Variants in GPHN observed in about 807,000 individuals in gnomAD.
GPHN encodes the protein gephyrin.
A neutral mutation model predicts 95.5 loss-of-function variants in GPHN; 17 were observed. The ratio of observed to expected loss-of-function variants is 0.18; its 90% CI spans 0.12 to 0.27. GPHN has a LOEUF of 0.27. Ranked by LOEUF, GPHN falls within the 10% of genes least tolerant of loss-of-function variation. GPHN has a pLI of 1.00. For synonymous variants in GPHN, 320 were observed against 322.5 expected, an observed-to-expected ratio of 0.99 and a Z score of 0.08; for missense variants, 660 against 978.1, an observed-to-expected ratio of 0.67 and a Z score of 4.34.
At chr14:66,966,626 C>T (rs1478771568) in intron 9 of GPHN, among the ~76,000 whole-genome samples, 1 of 151,856 alleles carries the variant, frequency 6.6e-6, no homozygotes, top group Non-Finnish European at 1.5e-5. Flanking sequence ...AGTTTGACTG[C>T]ATTAAAATCC....
At chr14:66,955,154 T>G (rs1231202824) in intron 8 of GPHN, among the ~76,000 whole-genome samples, 1 of 152,222 alleles carries the variant, frequency 6.6e-6, no homozygotes, top group Non-Finnish European at 1.5e-5. Flanking sequence ...CCTCCTCATA[T>G]TTTGTAGAAG....
chr14:67,527,403 A>C, the GPHN span, among the ~76,000 whole-genome samples: 1 of 152,152 alleles, frequency 6.6e-6, no homozygotes. Flanking sequence ...GCACCATTGC[A>C]CTCCAGCCTG....
chr14:66,528,800 C>G (rs993408718), intron 1 of GPHN, among the ~76,000 whole-genome samples: 9 of 152,174 alleles, frequency 5.9e-5, no homozygotes, highest in African/African-American at 2.2e-4. Flanking sequence ...CCCCCACTGT[C>G]TTCTGGCTTG....
the GPHN span, among the ~76,000 whole-genome samples, chr14:67,392,154 T>A: frequency 6.6e-6 from 1 of 152,206 alleles, no homozygotes; most frequent in Admixed American, 6.5e-5. Flanking sequence ...TGTGGGCATA[T>A]GCCTGTTCTT....
chr14:67,152,479 A>AAG (rs2081339230), intron 18 of GPHN, among the ~76,000 whole-genome samples: 1 of 151,768 alleles, frequency 6.6e-6, no homozygotes, highest in Admixed American at 6.6e-5. Context: ...CAACGAGCAA[A>AAG]TAAGATGCTA....
the GPHN span, among the ~76,000 whole-genome samples, chr14:67,443,815 G>C: frequency 6.6e-6 from 1 of 152,118 alleles, no homozygotes; most frequent in Non-Finnish European, 1.5e-5. Context: ...CATGTCCCCA[G>C]TTAAGCCTCT....
chr14:66,901,044 A>T (rs533343468), intron 5 of GPHN, among the ~76,000 whole-genome samples: 1 of 152,152 alleles, frequency 6.6e-6, no homozygotes, highest in African/African-American at 2.4e-5. Context: ...AATCCTTACC[A>T]GCATGTGTTA....
At chr14:66,538,388 C>A (rs1440517430) in intron 1 of GPHN, among the ~76,000 whole-genome samples, 1 of 151,508 alleles carries the variant, frequency 6.6e-6, no homozygotes, top group Non-Finnish European at 1.5e-5. Flanking sequence ...GCTTCTACCC[C>A]AATCTCTCTC....
At chr14:66,865,258 C>CT (rs113497057) in intron 4 of GPHN, among the ~76,000 whole-genome samples, 2 of 151,894 alleles carry the variant, frequency 1.3e-5, no homozygotes, top group African/African-American at 4.8e-5. Context: ...ATTGGATTGA[C>CT]TAACACAAAG....
intron 3 of GPHN, among the ~76,000 whole-genome samples, chr14:66,799,631 C>T (rs2060274129): frequency 6.6e-6 from 1 of 151,788 alleles, no homozygotes; most frequent in Admixed American, 6.6e-5. Context: ...GTATCAATTC[C>T]TGCTCTTTTT....
intron 18 of GPHN, among the ~76,000 whole-genome samples, chr14:67,152,423 A>C (rs1041468302): frequency 6.6e-6 from 1 of 152,140 alleles, no homozygotes; most frequent in Non-Finnish European, 1.5e-5. Flanking sequence ...TATGAATCTC[A>C]TAAATATATA....
At chr14:67,250,192 A>G in the GPHN span, among the ~76,000 whole-genome samples, 6 of 151,966 alleles carry the variant, frequency 3.9e-5, no homozygotes, top group Non-Finnish European at 5.9e-5. Context: ...TCAGCCACCC[A>G]CTCTTCCTTC....
chr14:66,706,309 CTACTT>C (rs1683565829), intron 2 of GPHN, among the ~76,000 whole-genome samples: 1 of 152,112 alleles, frequency 6.6e-6, no homozygotes, highest in Non-Finnish European at 1.5e-5. Context: ...TAGAAAATAA[CTACTT>C]TAAACTTCAT....
At chr14:67,260,188 A>T in the GPHN span, among the ~76,000 whole-genome samples, 1 of 152,208 alleles carries the variant, frequency 6.6e-6, no homozygotes, top group African/African-American at 2.4e-5. Context: ...ATCCATATTG[A>T]TTTAACTGTA....
chr14:67,289,369 A>G, the GPHN span, among the ~76,000 whole-genome samples: 1 of 152,150 alleles, frequency 6.6e-6, no homozygotes, highest in Admixed American at 6.5e-5. Context: ...ATTAAGTATT[A>G]TAAGTAATCT....
At chr14:67,298,852 T>A in the GPHN span, among the ~76,000 whole-genome samples, 1 of 152,204 alleles carries the variant, frequency 6.6e-6, no homozygotes, top group Non-Finnish European at 1.5e-5. Context: ...TCAGGCCCTA[T>A]GAATATCCAC....
At chr14:67,733,595 A>T in the GPHN span, 2 of 577,956 alleles carry the variant, frequency 3.5e-6, no homozygotes, top group East Asian at 7.1e-5. Flanking sequence ...TTTTTAAAAT[A>T]TTTTTGGAGT....
the GPHN span, among the ~76,000 whole-genome samples, chr14:67,369,013 A>G: frequency 9.2e-5 from 14 of 152,244 alleles, no homozygotes; most frequent in African/African-American, 2.9e-4. Flanking sequence ...GTAGGTATTC[A>G]ATTATTCAGT....
At chr14:67,346,023 C>T in the GPHN span, 3 of 614,878 alleles carry the variant, frequency 4.9e-6, no homozygotes, top group Non-Finnish European at 8.6e-6. Flanking sequence ...CTATCTCACT[C>T]CCCAAACACT....
Sources: allele counts gnomAD v4.1 joint callset (sites outside exome capture counted in the v4.1 genomes callset), GRCh38; gene constraint gnomAD v4.1.1; transcripts MANE v1.5; gene names NCBI Gene and HGNC (gene_info 2026-07-23, HGNC 2026-07-21).